Variants in NAV3 observed in about 807,000 individuals in gnomAD.
NAV3 encodes neuron navigator 3, also known as pore membrane and/or filament interacting like protein 1.
In NAV3, 87 loss-of-function variants were observed where a neutral mutation model predicts 244.7. The observed-to-expected ratio is 0.36, with a 90% CI of 0.30 to 0.42. The LOEUF (loss-of-function observed/expected upper bound fraction) is 0.42. Among genes scored for constraint, NAV3 ranks in the 20% least tolerant of loss-of-function variants. The pLI is 1.00. For synonymous variants in NAV3, 1,126 were observed against 1,042.2 expected, an observed-to-expected ratio of 1.08 and a Z score of -1.55; for missense variants, 2,663 against 2,893.3, an observed-to-expected ratio of 0.92 and a Z score of 1.83.
chr12:77,773,803 G>A (rs377057713), intron 2 of NAV3, among the ~76,000 whole-genome samples: 1 of 152,126 alleles, frequency 6.6e-6, no homozygotes, highest in South Asian at 2.1e-4. Context: ...CCACTTAATT[G>A]TGTAATTACA....
chr12:77,657,880 A>G (rs1457766365), intron 2 of NAV3, among the ~76,000 whole-genome samples: 1 of 152,232 alleles, frequency 6.6e-6, no homozygotes, highest in Admixed American at 6.5e-5. Context: ...CACTAGATGC[A>G]GAAAAGGCCT....
chr12:78,089,859 C>T (rs1011609712), intron 12 of NAV3, among the ~76,000 whole-genome samples: 1 of 152,144 alleles, frequency 6.6e-6, no homozygotes, highest in African/African-American at 2.4e-5. Context: ...TCCTCTTTAA[C>T]TTAAACCTTG....
At chr12:78,083,830 A>G (rs1953487160) in intron 12 of NAV3, among the ~76,000 whole-genome samples, 1 of 152,166 alleles carries the variant, frequency 6.6e-6, no homozygotes, top group Non-Finnish European at 1.5e-5. Context: ...CAGAATCCTA[A>G]ATACTTGCTG....
chr12:78,038,545 A>G (rs992760018), intron 9 of NAV3, among the ~76,000 whole-genome samples: 7 of 152,172 alleles, frequency 4.6e-5, no homozygotes, highest in African/African-American at 1.4e-4. Flanking sequence ...TCAATTTTTC[A>G]TGTCAGTTTG....
At chr12:77,643,457 A>G (rs905800805) in intron 2 of NAV3, among the ~76,000 whole-genome samples, 20 of 151,664 alleles carry the variant, frequency 1.3e-4, no homozygotes, top group Admixed American at 1.3e-3. Context: ...ACTTAAACTC[A>G]TATTTAGTAA....
At position 77,788,348 on chromosome 12, in the gene NAV3, G is replaced by T. The variant is rs572176045; in HGVS notation, c.73-151971G>T. The stretch of plus-strand genomic sequence containing the variant: ...GCATTTACTTCTCATCTGTGGCAGT[G>T]TTCGCCTTAAGTCAGTGCTAAGTGT... On this transcript the variant is annotated intron_variant, in intron 2 of 8. Transcript: ENST00000550042. Among the ~76,000 whole-genome samples the T allele has an allele frequency of 2.6e-5, 4 of 152,316 alleles. No homozygotes were observed. In the East Asian group the frequency reaches 5.8e-4, roughly 22 times the overall value.
chr12:77,896,733 C>T (rs759117933), intron 1 of NAV3, among the ~76,000 whole-genome samples: 11 of 152,142 alleles, frequency 7.2e-5, no homozygotes, highest in Non-Finnish European at 1.5e-4. Flanking sequence ...GTAACTCTCA[C>T]TCAGCTCCAG....
At chr12:77,895,816 A>C (rs1293209724) in intron 1 of NAV3, among the ~76,000 whole-genome samples, 1 of 150,894 alleles carries the variant, frequency 6.6e-6, no homozygotes, top group East Asian at 1.9e-4. Context: ...AGATCTGATA[A>C]AAGGTGTCAT....
intron 2 of NAV3, among the ~76,000 whole-genome samples, chr12:77,747,090 G>A (rs947558941): frequency 3.3e-5 from 5 of 152,048 alleles, no homozygotes; most frequent in Non-Finnish European, 7.4e-5. Flanking sequence ...GAATTATAAT[G>A]TACATTTACG....
At chr12:78,185,000 C>T (rs527745644) in intron 30 of NAV3, among the ~76,000 whole-genome samples, 1 of 151,838 alleles carries the variant, frequency 6.6e-6, no homozygotes, top group South Asian at 2.1e-4. Context: ...TAGCTGATTA[C>T]TAGAAATACT....
chr12:77,649,328 A>T (rs1872727732), intron 2 of NAV3, among the ~76,000 whole-genome samples: 1 of 152,122 alleles, frequency 6.6e-6, no homozygotes, highest in Admixed American at 6.6e-5. Context: ...CTATTTCTAT[A>T]TAGATTTTTA....
intron 14 of NAV3, among the ~76,000 whole-genome samples, chr12:78,118,825 G>A (rs758444899): frequency 2.0e-5 from 3 of 151,972 alleles, no homozygotes; most frequent in Non-Finnish European, 2.9e-5. Flanking sequence ...GACTCTCCCC[G>A]TATTTTTAAA....
chr12:77,900,319 G>T (rs1026922537), intron 1 of NAV3, among the ~76,000 whole-genome samples: 22 of 151,988 alleles, frequency 1.4e-4, no homozygotes, highest in Admixed American at 2.6e-4. Context: ...CTCATGATCT[G>T]CCCGCCTTGG....
At chr12:78,149,849 A>T (rs1394684545) in intron 22 of NAV3, among the ~76,000 whole-genome samples, 1 of 151,988 alleles carries the variant, frequency 6.6e-6, no homozygotes, top group Non-Finnish European at 1.5e-5. Flanking sequence ...AGCCATTTTT[A>T]AATTTTTTTT....
At chr12:78,179,912 G>T (rs1004696447) in intron 29 of NAV3, among the ~76,000 whole-genome samples, 2 of 152,082 alleles carry the variant, frequency 1.3e-5, no homozygotes, top group African/African-American at 4.8e-5. Context: ...AACCATTCAG[G>T]ATACTGTACT....
intron 2 of NAV3, among the ~76,000 whole-genome samples, chr12:77,704,800 A>G (rs1458804547): frequency 6.6e-6 from 1 of 152,188 alleles, no homozygotes; most frequent in African/African-American, 2.4e-5. Context: ...CACATTTTGA[A>G]TATTTATTCA....
At chr12:78,114,538 G>A (rs1955271176) in intron 12 of NAV3, among the ~76,000 whole-genome samples, 1 of 152,070 alleles carries the variant, frequency 6.6e-6, no homozygotes, top group Non-Finnish European at 1.5e-5. Flanking sequence ...GAGCAAAACG[G>A]GGGAAAAACC....
At chr12:77,927,751 C>G (rs766154407) in intron 1 of NAV3, among the ~76,000 whole-genome samples, 14 of 152,142 alleles carry the variant, frequency 9.2e-5, no homozygotes, top group Non-Finnish European at 1.6e-4. Flanking sequence ...ACTCCTTTTT[C>G]AAAAATGTAT....
intron 2 of NAV3, among the ~76,000 whole-genome samples, chr12:77,661,287 T>C (rs935001211): frequency 6.6e-6 from 1 of 152,140 alleles, no homozygotes; most frequent in Non-Finnish European, 1.5e-5. Flanking sequence ...GTGTGTGTAG[T>C]GGTATCTTAA....
Sources: gnomAD v4.1 joint callset for allele counts (sites outside exome capture counted in the v4.1 genomes callset) on GRCh38, gnomAD v4.1.1 for gene constraint, MANE v1.5 for transcripts, NCBI Gene and HGNC (gene_info 2026-07-23, HGNC 2026-07-21) for gene names.